Variants in TANGO6 observed in about 807,000 individuals in gnomAD.
The protein encoded by TANGO6 is transport and golgi organization 6 homolog.
Under a neutral mutation model 114.2 loss-of-function variants are expected in TANGO6, and 90 were observed. That is an observed-to-expected ratio of 0.79 (90% CI 0.66 to 0.94). TANGO6 has a LOEUF of 0.94. Among genes scored for constraint, TANGO6 ranks in the 40% least tolerant of loss-of-function variants. The pLI is 0.00. For missense variants in TANGO6, 1,274 were observed against 1,315.3 expected (o/e 0.97, Z 0.49); for synonymous variants, 477 against 509.8 (o/e 0.94, Z 0.87).
chr16:68,873,591 G>T (rs1962311330), intron 4 of TANGO6, among the ~76,000 whole-genome samples: 1 of 152,190 alleles, frequency 6.6e-6, no homozygotes, highest in Non-Finnish European at 1.5e-5. Flanking sequence ...TGGGATTACA[G>T]GTGTCAGCCA....
intron 12 of TANGO6, among the ~76,000 whole-genome samples, chr16:68,922,939 GTTT>G (rs531603542): frequency 2.5e-5 from 2 of 79,048 alleles, no homozygotes; most frequent in East Asian, 3.3e-4. Context: ...CTTAGGTCAT[GTTT>G]TTTTTTTTTT....
intron 17 of TANGO6, among the ~76,000 whole-genome samples, chr16:69,058,757 C>T (rs1350277405): frequency 6.6e-6 from 1 of 152,020 alleles, no homozygotes; most frequent in African/African-American, 2.4e-5. Flanking sequence ...GCTCTGCTTC[C>T]CGTGTTCACA....
Position 68,909,370 on chromosome 16 carries a change from ATGTC to A in TANGO6, c.1963_1966del (p.Glu656ArgfsTer13). 6.4e-7 allele frequency: 1 copy of A among 1,566,876 alleles called. No homozygotes were observed. The highest frequency in any genetic ancestry group is 8.7e-7 in the Non-Finnish European group (1 of 1,153,032). Reference sequence around the variant, plus strand: ...GCTGATGGCTGTTCTGTGCGAGAGAATGTCTGAGCAGATATTCACAAACGTCACT... The same window carrying A: ...GCTGATGGCTGTTCTGTGCGAGAGAATGAGCAGATATTCACAAACGTCACT... On this transcript the variant is annotated frameshift_variant, in exon 11 of 18. Coordinates refer to ENST00000261778, the MANE Select transcript of TANGO6 (RefSeq NM_024562.2). LOFTEE classifies it high-confidence loss of function.
chr16:68,973,029 G>A (rs1024424670), intron 14 of TANGO6: 2 of 431,082 alleles, frequency 4.6e-6, no homozygotes, highest in African/African-American at 4.1e-5. Flanking sequence ...GGCGGGGGAT[G>A]GGGACTGCTC....
intron 17 of TANGO6, among the ~76,000 whole-genome samples, chr16:69,052,357 C>T (rs1360363763): frequency 6.6e-6 from 1 of 151,190 alleles, no homozygotes; most frequent in Non-Finnish European, 1.5e-5. Flanking sequence ...CAACCTCAGC[C>T]TCCCAGGCTT....
intron 7 of TANGO6, among the ~76,000 whole-genome samples, chr16:68,898,502 G>A (rs1962737605): frequency 1.3e-5 from 2 of 151,926 alleles, no homozygotes; most frequent in African/African-American, 2.4e-5. Flanking sequence ...TTATTGTGTT[G>A]TATTGTATTT....
intron 14 of TANGO6, among the ~76,000 whole-genome samples, chr16:68,955,138 A>T (rs986887952): frequency 1.3e-5 from 2 of 152,180 alleles, no homozygotes. Context: ...TCACTGTGAA[A>T]TTATATGACA....
At chr16:68,951,338 G>A (rs927590227) in intron 14 of TANGO6, among the ~76,000 whole-genome samples, 9 of 151,536 alleles carry the variant, frequency 5.9e-5, no homozygotes, top group African/African-American at 2.2e-4. Context: ...AGGCAGGGTG[G>A]GGGGGTTGGG....
chr16:68,876,681 C>T (rs539781241), intron 5 of TANGO6, among the ~76,000 whole-genome samples: 3 of 152,024 alleles, frequency 2.0e-5, no homozygotes, highest in South Asian at 4.2e-4. Flanking sequence ...ATTGGCCAAG[C>T]GTGGTGGTGC....
intron 14 of TANGO6, among the ~76,000 whole-genome samples, chr16:68,931,482 C>T (rs546788581): frequency 2.5e-4 from 38 of 152,152 alleles, no homozygotes; most frequent in African/African-American, 8.4e-4. Context: ...TCACAATAAC[C>T]AAGAGGTGGA....
At chr16:69,001,004 T>C (rs1210296438) in intron 15 of TANGO6, among the ~76,000 whole-genome samples, 1 of 152,234 alleles carries the variant, frequency 6.6e-6, no homozygotes, top group African/African-American at 2.4e-5. Flanking sequence ...TATTTTTAAA[T>C]TTAAAATGAT....
chr16:68,908,851 T>TTG (rs745460742), intron 10 of TANGO6, among the ~76,000 whole-genome samples: 5 of 152,244 alleles, frequency 3.3e-5, no homozygotes, highest in Admixed American at 2.0e-4. Flanking sequence ...AACCATTTCT[T>TTG]TGTGTGTGTG....
intron 15 of TANGO6, among the ~76,000 whole-genome samples, chr16:68,995,640 C>T (rs2152219470): frequency 6.6e-6 from 1 of 152,296 alleles, no homozygotes; most frequent in Admixed American, 6.5e-5. Flanking sequence ...CAGCCCTTAA[C>T]CAAGACTACT....
At chr16:68,942,412 A>G (rs993220102) in intron 14 of TANGO6, among the ~76,000 whole-genome samples, 7 of 152,180 alleles carry the variant, frequency 4.6e-5, no homozygotes, top group Non-Finnish European at 2.9e-5. Context: ...GGCAATGCAG[A>G]AAATTATCAT....
intron 14 of TANGO6, among the ~76,000 whole-genome samples, chr16:68,946,708 C>T (rs1020926102): frequency 2.6e-5 from 4 of 152,066 alleles, no homozygotes; most frequent in Non-Finnish European, 5.9e-5. Context: ...TGCCATGTTG[C>T]CCAGGCTGGT....
At chr16:69,038,413 G>T (rs908284418) in intron 16 of TANGO6, among the ~76,000 whole-genome samples, 2 of 151,428 alleles carry the variant, frequency 1.3e-5, no homozygotes, top group African/African-American at 2.4e-5. Flanking sequence ...CTGGATGACA[G>T]AGCGAGATCC....
intron 4 of TANGO6, among the ~76,000 whole-genome samples, chr16:68,873,554 TC>T (rs1474957592): frequency 1.3e-5 from 2 of 152,192 alleles, no homozygotes; most frequent in African/African-American, 2.4e-5. Context: ...CCTCAGGTGA[TC>T]CACCTGCCTT....
chr16:68,998,120 A>C, intron 15 of TANGO6, among the ~76,000 whole-genome samples: 1 of 152,252 alleles, frequency 6.6e-6, no homozygotes, highest in East Asian at 1.9e-4. Flanking sequence ...AAGCAAAATA[A>C]GTGAAATTAT....
At chr16:68,849,191 C>T (rs1384523454) in intron 1 of TANGO6, among the ~76,000 whole-genome samples, 1 of 152,006 alleles carries the variant, frequency 6.6e-6, no homozygotes, top group Non-Finnish European at 1.5e-5. Flanking sequence ...AAAAATTAGC[C>T]GAGTGCTATG....
Sources: allele counts gnomAD v4.1 joint callset (sites outside exome capture counted in the v4.1 genomes callset), GRCh38; gene constraint gnomAD v4.1.1; transcripts MANE v1.5; gene names NCBI Gene and HGNC (gene_info 2026-07-23, HGNC 2026-07-21).